TMEM232: variants seen among roughly 807,000 people sequenced by gnomAD.
TMEM232 encodes transmembrane protein 232.
TMEM232 carries 80 observed loss-of-function variants against 78.8 expected under a neutral mutation model. The observed-to-expected ratio is 1.01, with a 90% CI of 0.85 to 1.22. The LOEUF (loss-of-function observed/expected upper bound fraction) is 1.22. Among genes scored for constraint, TMEM232 ranks in the 50% most tolerant of loss-of-function variants. The pLI is 0.00. For synonymous variants in TMEM232, 297 were observed against 254.3 expected (o/e 1.17, Z -1.60); for missense variants, 881 against 742.2 (o/e 1.19, Z -2.17).
intron 1 of TMEM232, among the ~76,000 whole-genome samples, chr5:110,737,329 T>C (rs1027073558): frequency 1.3e-5 from 2 of 152,152 alleles, no homozygotes; most frequent in Non-Finnish European, 2.9e-5. Context: ...TTTTTCCTAT[T>C]ATGAGCAAGC....
At chr5:110,440,585 A>G (rs949043244) in intron 12 of TMEM232, among the ~76,000 whole-genome samples, 3 of 152,174 alleles carry the variant, frequency 2.0e-5, no homozygotes, top group African/African-American at 7.2e-5. Flanking sequence ...ATCATTTGTT[A>G]TCTCAACTCT....
intron 2 of TMEM232, among the ~76,000 whole-genome samples, chr5:110,664,334 T>C (rs1020349262): frequency 6.6e-6 from 1 of 152,216 alleles, no homozygotes; most frequent in Non-Finnish European, 1.5e-5. Flanking sequence ...AAAGTTAAAA[T>C]GTAGCATTGA....
intron 7 of TMEM232, among the ~76,000 whole-genome samples, chr5:110,621,204 A>T (rs972584531): frequency 3.6e-4 from 55 of 152,236 alleles, no homozygotes; most frequent in African/African-American, 1.2e-3. Context: ...TCAAAAAATA[A>T]AAAATAAATT....
At chr5:110,489,601 G>A (rs1764817481) in intron 12 of TMEM232, among the ~76,000 whole-genome samples, 1 of 152,064 alleles carries the variant, frequency 6.6e-6, no homozygotes, top group South Asian at 2.1e-4. Flanking sequence ...CAGGAATAAG[G>A]AAAATATATC....
rs2150015127 is a variant in TMEM232 at position 110,640,937 on chromosome 5, C to A, written c.297G>T (p.Trp99Cys). Reference protein sequence around the residue: ...SGRHVHLPAAWTEVIYLAQCK... With the variant: ...SGRHVHLPAACTEVIYLAQCK... ...ATTGAGCCAGATATATTACTTCAGT[C>A]CATGCAGCAGGAAGATGCACATGCC... Residue 99 changes from tryptophan to cysteine, a missense_variant, in exon 4 of 14, where the codon TGG (tryptophan) becomes TGT (cysteine). Trp to Cys is a radical substitution (Grantham distance 215). Coordinates refer to ENST00000455884, the MANE Select transcript of TMEM232 (RefSeq NM_001039763.4). The A allele has an allele frequency of 3.9e-6, 6 of 1,541,826 alleles. No individual in the cohort carries two copies. Among genetic ancestry groups the A allele is most frequent in the Non-Finnish European group, 5.3e-6 (6 of 1,141,984 alleles).
chr5:110,403,544 TATATC>T (rs1755681308), intron 2 of TMEM232, among the ~76,000 whole-genome samples: 1 of 152,074 alleles, frequency 6.6e-6, no homozygotes, highest in Non-Finnish European at 1.5e-5. Flanking sequence ...ATTTTAAAAT[TATATC>T]AGAAGATATC....
At chr5:110,426,568 A>C (rs1757252596) in intron 12 of TMEM232, among the ~76,000 whole-genome samples, 1 of 152,038 alleles carries the variant, frequency 6.6e-6, no homozygotes, top group Non-Finnish European at 1.5e-5. Context: ...TTGAGAGTAG[A>C]GTTGACAGTA....
intron 1 of TMEM232, chr5:110,725,781 A>G (rs1433031162): frequency 6.6e-6 from 1 of 152,140 alleles, no homozygotes; most frequent in Non-Finnish European, 1.5e-5. Context: ...TAAAGTTCCA[A>G]TAAAAATGAG....
Position 110,420,592 on chromosome 5 carries a change from C to G in TMEM232, c.1962G>C (p.Lys654Asn). Residue 654 changes from lysine (K) to asparagine (N), a missense_variant, in exon 14 of 14, where the codon AAG (lysine) becomes AAC (asparagine). Transcript: ENST00000455884. ...QTKPYELPYR[K>N]EVI is the part of the protein sequence containing the mutation. ...TTTTCTTTTCTAATTAAATTACTTC[C>G]TTCCTATAAGGAAGTTCATAGGGCT... The G allele has an allele frequency of 6.8e-7, 1 of 1,461,030 alleles. No individual in the cohort carries two copies. 90.5% of individuals were successfully genotyped at this position (1,461,030 alleles called of 1,614,324 possible).
intron 10 of TMEM232, among the ~76,000 whole-genome samples, chr5:110,598,987 T>C (rs1374373676): frequency 6.6e-6 from 1 of 151,642 alleles, no homozygotes; most frequent in African/African-American, 2.4e-5. Context: ...ATTGTGCACA[T>C]GTACCCTAAA....
chr5:110,466,333 C>A (rs1762073316), intron 12 of TMEM232, among the ~76,000 whole-genome samples: 2 of 152,142 alleles, frequency 1.3e-5, no homozygotes, highest in African/African-American at 4.8e-5. Flanking sequence ...TAATCTCTCT[C>A]TATAGGCAAT....
At position 110,524,411 on chromosome 5, in the gene TMEM232, G is replaced by GAAAAGAAAAGA. The variant is rs372701386; in HGVS notation, c.1703+4176_1703+4177insTCTTTTCTTTT. Among the ~76,000 whole-genome samples the GAAAAGAAAAGA allele has an allele frequency of 5.8e-3, 357 of 61,350 alleles. 4 individuals carry two copies. Among genetic ancestry groups the GAAAAGAAAAGA allele is most frequent in the African/African-American group, 0.015 (291 of 19,044 alleles). 40.2% of individuals were successfully genotyped at this position (61,350 alleles called of 152,430 possible). ...AGAAAGAAAGAAAGAAAGAAAGAAA[G>GAAAAGAAAAGA]AAAGAAAAGAAAAGAAAAGAAAAGA... On this transcript the variant is annotated intron_variant, in intron 12 of 13. Transcript: ENST00000455884.
chr5:110,425,009 A>T, intron 12 of TMEM232, 93 bp from the exon 13 acceptor site: 2 of 920,894 alleles, frequency 2.2e-6, no homozygotes. Flanking sequence ...TTTATTATTA[A>T]GCATTTTGAT....
chr5:110,488,764 C>T (rs138192870), intron 12 of TMEM232, among the ~76,000 whole-genome samples: 3 of 151,796 alleles, frequency 2.0e-5, no homozygotes, highest in Non-Finnish European at 1.5e-5. Context: ...ATCAATAGAA[C>T]GAAAAGTTGG....
chr5:110,674,623 T>G (rs1791791167), intron 1 of TMEM232, among the ~76,000 whole-genome samples: 2 of 152,208 alleles, frequency 1.3e-5, no homozygotes, highest in Non-Finnish European at 2.9e-5. Context: ...GTACTAATAT[T>G]TCATCTGTTG....
chr5:110,499,642 C>CAT lies in TMEM232; in HGVS notation c.1703+28945_1703+28946insAT, dbSNP rs1561575653. Among the ~76,000 whole-genome samples the CAT allele has an allele frequency of 4.3e-4, 64 of 147,812 alleles. 1 individual carries two copies. Among genetic ancestry groups the CAT allele is most frequent in the African/African-American group, 1.6e-3 (60 of 38,150 alleles). On this transcript the variant is annotated intron_variant, in intron 12 of 13. Coordinates refer to ENST00000455884, the MANE Select transcript of TMEM232 (RefSeq NM_001039763.4). ...ATATGTATACACCCCCCCCCACACA[C>CAT]ACACATATATATATATATAAAGATA... is the stretch of plus-strand genomic sequence containing the variant.
At chr5:110,711,910 T>C (rs1329528719) in intron 1 of TMEM232, among the ~76,000 whole-genome samples, 1 of 151,656 alleles carries the variant, frequency 6.6e-6, no homozygotes, top group African/African-American at 2.4e-5. Context: ...AACAAGACCA[T>C]ACCGGCTAAC....
chr5:110,519,746 A>T (rs956916360), intron 12 of TMEM232, among the ~76,000 whole-genome samples: 2 of 151,998 alleles, frequency 1.3e-5, no homozygotes, highest in African/African-American at 4.8e-5. Flanking sequence ...ATGAACAAAT[A>T]AAGGAAATGT....
chr5:110,442,337 T>A (rs541000886), intron 12 of TMEM232, among the ~76,000 whole-genome samples: 2 of 152,140 alleles, frequency 1.3e-5, no homozygotes, highest in Non-Finnish European at 2.9e-5. Context: ...TATCCTCTCA[T>A]CACTGATTTT....
Sources: gnomAD v4.1 joint callset for allele counts (sites outside exome capture counted in the v4.1 genomes callset) on GRCh38, gnomAD v4.1.1 for gene constraint, MANE v1.5 for transcripts, NCBI Gene and HGNC (gene_info 2026-07-23, HGNC 2026-07-21) for gene names.